Variants in PHLPP2 observed in about 807,000 individuals in gnomAD.
PHLPP2 encodes the protein PH domain leucine-rich repeat-containing protein phosphatase 2.
In PHLPP2, 66 loss-of-function variants were observed where a neutral mutation model predicts 124.9. The observed-to-expected ratio is 0.53, with a 90% confidence interval of 0.43 to 0.65. The LOEUF is 0.65. Ranked by LOEUF, PHLPP2 falls within the 30% of genes least tolerant of loss-of-function variation. The pLI, the probability that PHLPP2 is intolerant of heterozygous loss-of-function variation, is 0.00. For synonymous variants in PHLPP2, 681 were observed against 624.7 expected (o/e 1.09, Z -1.34); for missense variants, 1,685 against 1,600.4 (o/e 1.05, Z -0.90).
intron 1 of PHLPP2, among the ~76,000 whole-genome samples, chr16:71,718,800 T>C (rs148606069): frequency 0.011 from 1,672 of 152,346 alleles, 13 homozygotes; most frequent in Non-Finnish European, 0.018. Context: ...GTCTACATGA[T>C]ACATTCCGCC....
intron 12 of PHLPP2, 185 bp from the exon 13 acceptor site, chr16:71,664,284 C>G: frequency 1.7e-6 from 1 of 600,834 alleles, no homozygotes. Context: ...TTTTACTCAA[C>G]TCATGCAAAC....
At chr16:71,689,155 T>A (rs1366988045) in intron 4 of PHLPP2, among the ~76,000 whole-genome samples, 1 of 152,126 alleles carries the variant, frequency 6.6e-6, no homozygotes, top group African/African-American at 2.4e-5. Flanking sequence ...CCACAGACCT[T>A]CTGATCATTT....
chr16:71,719,119 G>A (rs1476805586), intron 1 of PHLPP2, among the ~76,000 whole-genome samples: 1 of 152,184 alleles, frequency 6.6e-6, no homozygotes, highest in African/African-American at 2.4e-5. Flanking sequence ...GGAATTGCTA[G>A]GTTGAGAAAA....
chr16:71,707,303 C>T (rs541325865), intron 2 of PHLPP2, among the ~76,000 whole-genome samples: 1 of 152,282 alleles, frequency 6.6e-6, no homozygotes, highest in East Asian at 1.9e-4. Context: ...AAGAATACAG[C>T]TGGTCTTTGT....
intron 4 of PHLPP2, among the ~76,000 whole-genome samples, chr16:71,688,791 C>A (rs929886684): frequency 1.3e-5 from 2 of 152,072 alleles, no homozygotes; most frequent in Non-Finnish European, 2.9e-5. Flanking sequence ...GTCCTTCAGC[C>A]CCTAAGACCT....
chr16:71,661,245 A>G (rs373063674), intron 13 of PHLPP2, among the ~76,000 whole-genome samples: 17 of 151,614 alleles, frequency 1.1e-4, no homozygotes, highest in Admixed American at 9.2e-4. Flanking sequence ...TGATTTTTGT[A>G]TTTTTAGTAG....
chr16:71,693,536 A>G (rs947921413), intron 3 of PHLPP2, among the ~76,000 whole-genome samples: 3 of 152,170 alleles, frequency 2.0e-5, no homozygotes, highest in Non-Finnish European at 4.4e-5. Flanking sequence ...ATCCTTATCA[A>G]TTCACACCTG....
In PHLPP2 at chr16:71,702,671, T is replaced by C. The variant is rs1162437200; in HGVS notation, c.345A>G (p.Gly115=). ...CCTGTATGCGCACAGGATCATCAAA[T>C]CCCAGCCTGGATAAGTAATCATAAA... ...QIVYDYLSRL[G]FDDPVRIQEE... Residue 115 remains glycine (G), a synonymous_variant, in exon 3 of 19, where the codon GGA becomes GGG. Transcript: ENST00000568954. 1 of 1,611,364 alleles carries C rather than the reference T, an allele frequency of 6.2e-7. No homozygotes were observed. The highest frequency in any genetic ancestry group is 8.5e-7 in the Non-Finnish European group (1 of 1,178,836).
At chr16:71,722,939 C>T (rs1034827006) in intron 1 of PHLPP2, among the ~76,000 whole-genome samples, 2 of 152,232 alleles carry the variant, frequency 1.3e-5, no homozygotes, top group Admixed American at 1.3e-4. Context: ...CGTAAACTTA[C>T]TTCTCATCAC....
rs770308351 is a variant in PHLPP2, at chr16:71,649,648, AG to A, written c.3213del (p.Ser1072LeufsTer18). On this transcript the variant is annotated frameshift_variant, in exon 19 of 19. Transcript: ENST00000568954. LOFTEE classifies it high-confidence loss of function. ...AACTCAGAGGCAATCCCACTGCTAG[AG>A]GATGGAGTGGCTGGCTTAGGGGCAT... is the stretch of plus-strand genomic sequence containing the variant. ...IKDAPKPATP[S>X]SSSGIASEFS... 1 of 1,614,178 alleles carries A rather than the reference AG, an allele frequency of 6.2e-7. No homozygotes were observed. Among genetic ancestry groups the A allele is most frequent in the East Asian group, 2.2e-5 (1 of 44,888 alleles).
intron 2 of PHLPP2, among the ~76,000 whole-genome samples, chr16:71,709,083 T>C (rs566580143): frequency 6.6e-6 from 1 of 152,310 alleles, no homozygotes; most frequent in East Asian, 1.9e-4. Context: ...ATAAAAAATG[T>C]TTCAAAATAA....
At chr16:71,660,911 A>G (rs765602289) in intron 13 of PHLPP2, among the ~76,000 whole-genome samples, 2 of 152,170 alleles carry the variant, frequency 1.3e-5, no homozygotes, top group Non-Finnish European at 2.9e-5. Context: ...TTGTGCCTAT[A>G]CAATTACAAC....
At chr16:71,650,868 C>T (rs932984123) in intron 18 of PHLPP2, among the ~76,000 whole-genome samples, 1 of 152,200 alleles carries the variant, frequency 6.6e-6, no homozygotes, top group Non-Finnish European at 1.5e-5. Context: ...AGTTTAACAA[C>T]TACCCACTGA....
At chr16:71,663,868 T>C (rs757891650) in intron 13 of PHLPP2, 31 bp downstream of exon 13, 25 of 1,508,888 alleles carry the variant, frequency 1.7e-5, no homozygotes, top group African/African-American at 9.6e-5. Context: ...TGTTGTGTAT[T>C]TGAAATGATC....
intron 6 of PHLPP2, 108 bp from the exon 7 acceptor site, chr16:71,679,643 A>C (rs2044978837): frequency 7.7e-6 from 7 of 904,082 alleles, no homozygotes; most frequent in Non-Finnish European, 1.2e-5. Flanking sequence ...TCTATAATAG[A>C]ATTTATTCCA....
rs66510124 is a variant in PHLPP2 at position 71,706,946 on chromosome 16, A to AT, written c.285-4216dup. ...TATATCATGATTTAAAAGATACACCATTTTTTTTTTTTTTTTTTTTTTTTT... is the reference window on the plus strand; with the variant it reads ...TATATCATGATTTAAAAGATACACCATTTTTTTTTTTTTTTTTTTTTTTTTT... On this transcript the variant is annotated intron_variant, in intron 2 of 18. Coordinates refer to ENST00000568954, the MANE Select transcript of PHLPP2 (RefSeq NM_015020.3). Among the ~76,000 whole-genome samples, 460 of 71,262 alleles carry AT rather than the reference A, an allele frequency of 6.5e-3. 33 individuals carry two copies. The highest frequency in any genetic ancestry group is 0.018 in the Middle Eastern group (2 of 114). The allele number at this position is 71,262 out of a possible 152,430, so 46.8% of individuals were successfully genotyped here. A position where few individuals can be genotyped will look rare whatever the true frequency, so the allele number is the denominator to read the frequency against.
At chr16:71,684,387 A>G (rs2045032743) in intron 5 of PHLPP2, 89 bp downstream of exon 5, 5 of 1,372,140 alleles carry the variant, frequency 3.6e-6, no homozygotes, top group Non-Finnish European at 3.1e-6. Flanking sequence ...CGGCCTCCCA[A>G]AGTGCTGGGA....
chr16:71,698,769 G>A (rs1381518768), intron 3 of PHLPP2: 3 of 259,804 alleles, frequency 1.2e-5, no homozygotes, highest in African/African-American at 6.8e-5. Flanking sequence ...TTAGTGAAAT[G>A]TTATCTCCAC....
chr16:71,652,752 T>G (rs777136289), intron 18 of PHLPP2, 38 bp downstream of exon 18: 4 of 1,461,354 alleles, frequency 2.7e-6, no homozygotes, highest in Admixed American at 3.4e-5. Context: ...CTCCACTGAT[T>G]TGGGGAGCAG....
Sources: allele counts gnomAD v4.1 joint callset (sites outside exome capture counted in the v4.1 genomes callset), GRCh38; gene constraint gnomAD v4.1.1; transcripts MANE v1.5; gene names NCBI Gene and HGNC (gene_info 2026-07-23, HGNC 2026-07-21).